ATP13A5: variants seen among roughly 807,000 people sequenced by gnomAD.
ATP13A5 encodes the protein ATPase 13A5.
ATP13A5 carries 149 observed loss-of-function variants against 150.2 expected under a neutral mutation model. The observed-to-expected ratio is 0.99, with a 90% confidence interval of 0.87 to 1.14. The LOEUF (loss-of-function observed/expected upper bound fraction) is 1.14, where lower values mean the gene tolerates loss of function less well. ATP13A5 is among the 50% of genes most tolerant of loss of function. The probability of loss-of-function intolerance (pLI) is 0.00; values close to 1 mark genes in which losing one functional copy is unlikely to be tolerated. For missense variants in ATP13A5, 1,383 were observed against 1,449.3 expected, an observed-to-expected ratio of 0.95 and a Z score of 0.74; for synonymous variants, 497 against 522.2, an observed-to-expected ratio of 0.95 and a Z score of 0.66.
At chr3:193,354,949 TGAGA>T (rs1712723515) in intron 5 of ATP13A5, among the ~76,000 whole-genome samples, 1 of 149,730 alleles carries the variant, frequency 6.7e-6, no homozygotes, top group Non-Finnish European at 1.5e-5. Flanking sequence ...ACTTTTTTTT[TGAGA>T]TGGAGTTTCA....
intron 13 of ATP13A5, 107 bp from the exon 14 acceptor site, chr3:193,325,121 A>G: frequency 9.1e-7 from 1 of 1,103,470 alleles, no homozygotes; most frequent in Non-Finnish European, 1.3e-6. Flanking sequence ...CATGCTCAGA[A>G]CCTTCCCATG....
Position 193,305,650 on chromosome 3 carries a change from C to A in ATP13A5, c.2587G>T (p.Ala863Ser). 1 of 1,613,890 alleles carries A rather than the reference C, an allele frequency of 6.2e-7. No individual in the cohort carries two copies. Among genetic ancestry groups the A allele is most frequent in the South Asian group, 1.1e-5 (1 of 91,078 alleles). Residue 863 changes from alanine to serine, a missense_variant, in exon 23 of 30, where the codon GCA (alanine) becomes TCA (serine). Physicochemically the swap from Ala to Ser is moderately conservative, Grantham distance 99 (BLOSUM62 1). Around this residue, in one of 3 missense-constraint regions of ATP13A5, gnomAD observed 568 missense variants for 621.5 expected, o/e 0.91. Coordinates refer to ENST00000342358, the MANE Select transcript of ATP13A5 (RefSeq NM_198505.4). ...TCCTGCTCTGATAATGAAATGCCTG[C>A]ATGAGCCGCTTTCAAAGCCTGGAAT... ...NDCGALKAAH[A>S]GISLSEQEAS...
intron 27 of ATP13A5, among the ~76,000 whole-genome samples, chr3:193,282,692 A>G (rs1003179639): frequency 1.3e-5 from 2 of 152,228 alleles, no homozygotes; most frequent in African/African-American, 4.8e-5. Context: ...AGTTTCTTAA[A>G]TAAATGTGCA....
chr3:193,314,011 G>A (rs991513050), intron 19 of ATP13A5, 22 bp downstream of exon 19: 1 of 1,611,280 alleles, frequency 6.2e-7, no homozygotes, highest in South Asian at 1.1e-5. Context: ...GCCCACGGAG[G>A]GGCCTTCTAA....
intron 7 of ATP13A5, among the ~76,000 whole-genome samples, chr3:193,348,255 G>A (rs1053701815): frequency 6.6e-6 from 1 of 152,126 alleles, no homozygotes; most frequent in Non-Finnish European, 1.5e-5. Flanking sequence ...GCAGGACCAG[G>A]ATCAGTTTCC....
chr3:193,302,045 T>C (rs1231742058), intron 23 of ATP13A5, among the ~76,000 whole-genome samples: 3 of 152,162 alleles, frequency 2.0e-5, no homozygotes, highest in East Asian at 1.9e-4. Context: ...GGTAGCAGCA[T>C]GTGATGCGAG....
intron 17 of ATP13A5, among the ~76,000 whole-genome samples, chr3:193,316,187 A>AT (rs1719045122): frequency 6.6e-6 from 1 of 152,086 alleles, no homozygotes; most frequent in Non-Finnish European, 1.5e-5. Context: ...TACATATTAC[A>AT]TTTTTAAAAT....
chr3:193,338,549 A>G (rs1711985313), intron 9 of ATP13A5, among the ~76,000 whole-genome samples: 1 of 152,182 alleles, frequency 6.6e-6, no homozygotes, highest in Non-Finnish European at 1.5e-5. Context: ...TGATTTTCAT[A>G]TGTTGAACCA....
chr3:193,313,822 G>T, intron 19 of ATP13A5: 1 of 508,320 alleles, frequency 2.0e-6, no homozygotes, highest in Non-Finnish European at 3.4e-6. Context: ...TGATTTAATT[G>T]GTGCAGCCTG....
intron 25 of ATP13A5, among the ~76,000 whole-genome samples, chr3:193,290,517 A>C (rs1717909205): frequency 1.3e-5 from 2 of 151,662 alleles, no homozygotes; most frequent in Non-Finnish European, 2.9e-5. Context: ...AAAAACACTC[A>C]CTCTATTATT....
At chr3:193,318,838 C>T (rs981859877) in intron 17 of ATP13A5, among the ~76,000 whole-genome samples, 153 bp downstream of exon 17, 4 of 152,192 alleles carry the variant, frequency 2.6e-5, no homozygotes, top group Non-Finnish European at 5.9e-5. Flanking sequence ...GTATCACCTA[C>T]AATTATCCAT....
Position 193,299,314 on chromosome 3 carries a change from C to T in ATP13A5, c.2776-111G>A. ...GGAGGCAGCTGTTACTTTTTTTTCC[C>T]TCTTCAGGAAGAAAATGACTAACCT... On this transcript the variant is annotated intron_variant, in intron 24 of 29. Coordinates refer to ENST00000342358, the MANE Select transcript of ATP13A5 (RefSeq NM_198505.4). 9.5e-6 allele frequency: 7 copies of T among 740,310 alleles called. 1 individual carries two copies. In the South Asian group the frequency reaches 1.5e-4, roughly 16 times the overall value. 45.9% of individuals were successfully genotyped at this position (740,310 alleles called of 1,614,324 possible). A position where few individuals can be genotyped will look rare whatever the true frequency, so the allele number is the denominator to read the frequency against.
At chr3:193,360,903 T>A (rs1163076000) in intron 5 of ATP13A5, among the ~76,000 whole-genome samples, 2 of 152,162 alleles carry the variant, frequency 1.3e-5, no homozygotes, top group African/African-American at 4.8e-5. Flanking sequence ...TCTTGAACTC[T>A]TGACCTCAGG....
chr3:193,371,562 T>C (rs192043264), intron 1 of ATP13A5, among the ~76,000 whole-genome samples: 3 of 152,292 alleles, frequency 2.0e-5, no homozygotes, highest in South Asian at 2.1e-4. Flanking sequence ...CTCTTCACAC[T>C]CATATGGTTG....
At chr3:193,362,841 C>T (rs1490549934) in intron 3 of ATP13A5, among the ~76,000 whole-genome samples, 1 of 151,416 alleles carries the variant, frequency 6.6e-6, no homozygotes, top group African/African-American at 2.4e-5. Flanking sequence ...GTCACCCAGG[C>T]TGGAGTGCAG....
At chr3:193,309,805 A>G (rs1181781479) in intron 21 of ATP13A5, among the ~76,000 whole-genome samples, 2 of 152,182 alleles carry the variant, frequency 1.3e-5, no homozygotes, top group African/African-American at 4.8e-5. Context: ...CAACATGTGA[A>G]TGAGGCTGGT....
At chr3:193,344,221 A>G (rs1712238651) in intron 8 of ATP13A5, among the ~76,000 whole-genome samples, 166 bp from the exon 9 acceptor site, 1 of 152,232 alleles carries the variant, frequency 6.6e-6, no homozygotes, top group African/African-American at 2.4e-5. Context: ...AATCAGGATT[A>G]GGAAATTGGT....
At chr3:193,346,260 A>G (rs1037113463) in intron 7 of ATP13A5, among the ~76,000 whole-genome samples, 3 of 152,190 alleles carry the variant, frequency 2.0e-5, no homozygotes, top group Admixed American at 2.0e-4. Context: ...TTGTGAGAGC[A>G]CGTTAACTGG....
chr3:193,334,339 T>A (rs1418721049), intron 10 of ATP13A5, among the ~76,000 whole-genome samples: 1 of 152,168 alleles, frequency 6.6e-6, no homozygotes, highest in East Asian at 1.9e-4. Context: ...TGTAAAAGAC[T>A]GGGACTCAGG....
Sources: allele counts gnomAD v4.1 joint callset (sites outside exome capture counted in the v4.1 genomes callset), GRCh38; gene constraint gnomAD v4.1.1; regional missense constraint gnomAD v4.1.1; transcripts MANE v1.5; gene names NCBI Gene and HGNC (gene_info 2026-07-23, HGNC 2026-07-21).